RSAD1: variants seen among roughly 807,000 people sequenced by gnomAD.
The protein encoded by RSAD1 is radical S-adenosyl methionine domain-containing protein 1, mitochondrial.
A neutral mutation model predicts 46.2 loss-of-function variants in RSAD1; 34 were observed. The observed-to-expected ratio is 0.74, with a 90% CI of 0.56 to 0.98. RSAD1 has a LOEUF of 0.98. Among genes scored for constraint, RSAD1 ranks in the 50% least tolerant of loss-of-function variants. The pLI is 0.00. For missense variants in RSAD1, 635 were observed against 592.3 expected (o/e 1.07, Z -0.75); for synonymous variants, 260 against 253.5 (o/e 1.03, Z -0.24).
In RSAD1 at chr17:50,480,286, G is replaced by A. The variant is rs528907946; in HGVS notation, c.474+202G>A. ...ACAGACTTTATGAGAAAGGGATCAG[G>A]TGTGGCTTTTCTATTTCAAACACTT... On this transcript the variant is annotated intron_variant, in intron 3 of 8. Transcript: ENST00000258955. 38 of 602,940 alleles carry A rather than the reference G, an allele frequency of 6.3e-5. No individual in the cohort carries two copies. The African/African-American group carries it at 6.5e-4, about 10-fold the overall frequency. The allele number at this position is 602,940 out of a possible 1,614,324, so 37.3% of individuals were successfully genotyped here.
In RSAD1 at chr17:50,483,341, G is replaced by C. The variant is rs1202375258; in HGVS notation, c.906G>C (p.Gly302=). 2 of 1,613,428 alleles carry C rather than the reference G, an allele frequency of 1.2e-6. No individual in the cohort carries two copies. The highest frequency in any genetic ancestry group is 1.3e-5 in the African/African-American group (1 of 74,832). Residue 302 remains glycine (G), a splice_region_variant and synonymous_variant, in exon 6 of 9, where the codon GGG becomes GGC. Transcript: ENST00000258955. ...GGGGATGGTTGTTGATGTTGTCAGG[G>C]GCCCATGGACGATTTATGCCCCAGG... ...QCGQYLGVGP[G]AHGRFMPQGA... is the part of the protein sequence containing the mutation.
In RSAD1 at chr17:50,482,166, G is replaced by T. The variant is rs751009819; in HGVS notation, c.550G>T (p.Ala184Ser). The stretch of plus-strand genomic sequence containing the variant: ...CGATGCTCTGCGGACGCTGGCAGAG[G>T]CCCGGCGCCTCTTTCCCGGGCGCGT... Reference protein sequence around the residue: ...ACDALRTLAEARRLFPGRVSV... With the variant: ...ACDALRTLAESRRLFPGRVSV... Residue 184 changes from alanine to serine, a missense_variant, in exon 4 of 9, where the codon GCC becomes TCC. Ala to Ser is a moderately conservative substitution (Grantham distance 99). Coordinates refer to ENST00000258955, the MANE Select transcript of RSAD1 (RefSeq NM_018346.3). The T allele has an allele frequency of 1.3e-6, 2 of 1,585,718 alleles. No homozygotes were observed. The highest frequency in any genetic ancestry group is 1.7e-6 in the Non-Finnish European group (2 of 1,162,782).
Position 50,484,824 on chromosome 17 carries a change from G to T in RSAD1, c.1292G>T (p.Trp431Leu). The change falls in exon 9 of 9, where the codon TGG becomes TTG. Residue 431 changes from tryptophan (W) to leucine (L), a missense_variant. Transcript: ENST00000258955. ...CTCCTGCCTCAGCTCCAAGAAGCCT[G>T]GCAGCAGAGAACCCCCTCCCCTGTG... is the stretch of plus-strand genomic sequence containing the variant. Reference protein sequence around the residue: ...LTLLPQLQEAWQQRTPSPVPG... With the variant: ...LTLLPQLQEALQQRTPSPVPG... The T allele has an allele frequency of 6.2e-7, 1 of 1,614,056 alleles. No homozygotes were observed. The highest frequency in any genetic ancestry group is 8.5e-7 in the Non-Finnish European group (1 of 1,179,978).
rs1757781997 is a variant in RSAD1 at position 50,478,968 on chromosome 17, AG to A, written c.87del (p.Ser30ProfsTer47). ...GGCGCCGCCGCGTGGAGAACGCAGG[AG>A]GGTCCCCGAGTCCTGAGCCTGCGGG... ...QRRRRVENAG[G>X]SPSPEPAGRR... is the part of the protein sequence containing the mutation. On this transcript the variant is annotated frameshift_variant, in exon 1 of 9. Coordinates refer to ENST00000258955, the MANE Select transcript of RSAD1 (RefSeq NM_018346.3). LOFTEE classifies it high-confidence loss of function. The A allele has an allele frequency of 1.4e-6, 2 of 1,400,386 alleles. No individual in the cohort carries two copies. The highest frequency in any genetic ancestry group is 9.2e-7 in the Non-Finnish European group (1 of 1,083,240). The allele number at this position is 1,400,386 out of a possible 1,614,324, so 86.7% of individuals were successfully genotyped here.
At position 50,485,116 on chromosome 17, in the gene RSAD1, C is replaced by T. The variant is rs1472033525; in HGVS notation, c.*255C>T. ...ATGGCTGGGAATTGCCTACCACCCA[C>T]ATCAGCTTCTGTTTACCTTTTTGGC... On this transcript the variant is annotated 3_prime_UTR_variant, in exon 9 of 9. Coordinates refer to ENST00000258955, the MANE Select transcript of RSAD1 (RefSeq NM_018346.3). The T allele has an allele frequency of 4.0e-6, 2 of 497,174 alleles. No homozygotes were observed. The highest frequency in any genetic ancestry group is 3.0e-5 in the East Asian group (1 of 32,966). 30.8% of individuals were successfully genotyped at this position (497,174 alleles called of 1,614,324 possible). A position where few individuals can be genotyped will look rare whatever the true frequency, so the allele number is the denominator to read the frequency against.
Position 50,484,900 on chromosome 17 carries a change from T to C in RSAD1, c.*39T>C, listed in dbSNP as rs756254723. The C allele has an allele frequency of 6.4e-7, 1 of 1,551,828 alleles. No homozygotes were observed. ...GTGTTCCAGGGTAATGCCAGGTGGGTTTTGAGAGCTGGGTCGGTACTGCAG... is the reference window on the plus strand; with the variant it reads ...GTGTTCCAGGGTAATGCCAGGTGGGCTTTGAGAGCTGGGTCGGTACTGCAG... On this transcript the variant is annotated 3_prime_UTR_variant, in exon 9 of 9. Transcript: ENST00000258955.
In RSAD1 at chr17:50,484,544, A is replaced by G. The variant is rs778231054; in HGVS notation, c.1210A>G (p.Arg404Gly). ...LERGLLQLDHRGLRCSWEGLA... is the reference protein window; with the variant it reads ...LERGLLQLDHGGLRCSWEGLA... ...GCGGGGCCTACTGCAGCTGGATCACAGGTGTGTTGGGGGGTGCCGGGCAGA... is the reference window on the plus strand; with the variant it reads ...GCGGGGCCTACTGCAGCTGGATCACGGGTGTGTTGGGGGGTGCCGGGCAGA... The change falls in exon 8 of 9, where the codon AGG becomes GGG. Residue 404 changes from arginine (R) to glycine (G), a missense_variant and splice_region_variant. Arg to Gly is a moderately radical substitution (Grantham distance 125, BLOSUM62 -2). Transcript: ENST00000258955. The G allele has an allele frequency of 6.2e-7, 1 of 1,612,960 alleles. No homozygotes were observed. Among genetic ancestry groups the G allele is most frequent in the Non-Finnish European group, 8.5e-7 (1 of 1,179,910 alleles).
At chr17:50,479,125 G>C in intron 1 of RSAD1, 106 bp downstream of exon 1, 2 of 1,193,616 alleles carry the variant, frequency 1.7e-6, no homozygotes, top group South Asian at 3.3e-5. Flanking sequence ...GAACCCGCCT[G>C]CCGTGTTTCC....
chr17:50,482,194 C>A lies in RSAD1; in HGVS notation c.578C>A (p.Ser193Tyr). ...EARRLFPGRVSVDLMLGLPAQ... is the reference protein window; with the variant it reads ...EARRLFPGRVYVDLMLGLPAQ... ...CGGCGCCTCTTTCCCGGGCGCGTGT[C>A]TGTAGACTTGATGCTGGGGCTGCCG... Residue 193 changes from serine to tyrosine, a missense_variant, in exon 4 of 9, where the codon TCT (serine) becomes TAT (tyrosine). By Grantham distance (144) the Ser-to-Tyr change is moderately radical (BLOSUM62 -2). Transcript: ENST00000258955. The A allele has an allele frequency of 6.3e-7, 1 of 1,576,198 alleles. No individual in the cohort carries two copies. Among genetic ancestry groups the A allele is most frequent in the Non-Finnish European group, 8.6e-7 (1 of 1,158,134 alleles).
Position 50,482,396 on chromosome 17 carries a change from C to T in RSAD1, c.780C>T (p.Gly260=). The change falls in exon 4 of 9, where the codon GGC becomes GGT. Residue 260 remains glycine (G), a synonymous_variant. Coordinates refer to ENST00000258955, the MANE Select transcript of RSAD1 (RefSeq NM_018346.3). ...PELAAEMYQR[G]RAVLREAGFH... ...TCGCAGCTGAGATGTACCAGAGGGG[C>T]CGGGCTGTCCTTCGGGAGGCTGGCT... is the stretch of plus-strand genomic sequence containing the variant. The T allele has an allele frequency of 6.3e-7, 1 of 1,598,094 alleles. No individual in the cohort carries two copies. The highest frequency in any genetic ancestry group is 8.5e-7 in the Non-Finnish European group (1 of 1,173,414).
chr17:50,479,261 C>G, intron 1 of RSAD1: 1 of 497,292 alleles, frequency 2.0e-6, no homozygotes, highest in South Asian at 4.4e-5. Flanking sequence ...AATTTCATAA[C>G]AATTTTCCTC....
intron 6 of RSAD1, 96 bp downstream of exon 6, chr17:50,483,583 C>G: frequency 1.3e-6 from 2 of 1,590,176 alleles, no homozygotes; most frequent in Non-Finnish European, 8.6e-7. Flanking sequence ...TGTCCTGGCC[C>G]CTGCCTTGCC....
chr17:50,482,034 A>C, intron 3 of RSAD1, 57 bp from the exon 4 acceptor site: 2 of 1,469,722 alleles, frequency 1.4e-6, no homozygotes, highest in East Asian at 2.5e-5. Context: ...AATGGGGAGG[A>C]GGGTTCTTGT....
At chr17:50,481,169 A>G (rs2033376698) in intron 3 of RSAD1, among the ~76,000 whole-genome samples, 1 of 152,250 alleles carries the variant, frequency 6.6e-6, no homozygotes, top group Non-Finnish European at 1.5e-5. Context: ...TAAAGGAGAC[A>G]GAAGAGACAG....
In RSAD1 at chr17:50,484,991, C is replaced by T; in HGVS notation, c.*130C>T. ...TGGTTATTGCTCAGCCCTGGCATCC[C>T]CAGGGGAATGGCAGCAGTGAGGTAG... On this transcript the variant is annotated 3_prime_UTR_variant, in exon 9 of 9. Coordinates refer to ENST00000258955, the MANE Select transcript of RSAD1 (RefSeq NM_018346.3). 2.8e-6 allele frequency: 2 copies of T among 703,818 alleles called. No individual in the cohort carries two copies. Among genetic ancestry groups the T allele is most frequent in the South Asian group, 1.7e-5 (1 of 57,954 alleles). The allele number at this position is 703,818 out of a possible 1,614,324, so 43.6% of individuals were successfully genotyped here.
chr17:50,479,120 C>G, intron 1 of RSAD1, 101 bp downstream of exon 1: 1 of 1,208,924 alleles, frequency 8.3e-7, no homozygotes. Flanking sequence ...TCTATGAACC[C>G]GCCTGCCGTG....
intron 3 of RSAD1, 65 bp downstream of exon 3, chr17:50,480,149 A>C (rs773075170): frequency 1.3e-6 from 2 of 1,532,184 alleles, no homozygotes; most frequent in Non-Finnish European, 1.8e-6. Flanking sequence ...CTCTTTGGTC[A>C]CATTCATTCA....
In RSAD1 at chr17:50,479,718, G is replaced by C. The variant is rs1490672568; in HGVS notation, c.225G>C (p.Leu75=). Residue 75 remains leucine (L), a synonymous_variant, in exon 2 of 9, where the codon CTG becomes CTC. Transcript: ENST00000258955. ...AGGAGGCTGCCATGCAGAAGTGTCT[G>C]GTGACCGAAGCTCAGACGCTGCTGC... ...RLEEAAMQKC[L]VTEAQTLLRL... 6.2e-7 allele frequency: 1 copy of C among 1,613,386 alleles called. No individual in the cohort carries two copies. The highest frequency in any genetic ancestry group is 1.1e-5 in the South Asian group (1 of 90,968).
chr17:50,485,306 T>C lies in RSAD1; in HGVS notation c.*445T>C, dbSNP rs910561169. 31 of 161,800 alleles carry C rather than the reference T, an allele frequency of 1.9e-4. No individual in the cohort carries two copies. The highest frequency in any genetic ancestry group is 3.0e-4 in the Admixed American group (5 of 16,720). The allele number at this position is 161,800 out of a possible 1,614,324, so 10.0% of individuals were successfully genotyped here. A position where few individuals can be genotyped will look rare whatever the true frequency, so the allele number is the denominator to read the frequency against. ...AGCAGGAAGGGATCTACTATAGGAA[T>C]GAAGTATTTATAAACCACTGAAAGG... On this transcript the variant is annotated 3_prime_UTR_variant, in exon 9 of 9. Coordinates refer to ENST00000258955, the MANE Select transcript of RSAD1 (RefSeq NM_018346.3).
Sources: allele counts gnomAD v4.1 joint callset (sites outside exome capture counted in the v4.1 genomes callset), GRCh38; gene constraint gnomAD v4.1.1; transcripts MANE v1.5; gene names NCBI Gene and HGNC (gene_info 2026-07-23, HGNC 2026-07-21).